Variants in MFAP3L observed in about 807,000 individuals in gnomAD.
The protein encoded by MFAP3L is microfibril associated protein 3 like.
Under a neutral mutation model 20.0 loss-of-function variants are expected in MFAP3L, and 5 were observed. The observed-to-expected ratio is 0.25, with a 90% CI of 0.13 to 0.53. The LOEUF (loss-of-function observed/expected upper bound fraction) is 0.53, where lower values mean the gene tolerates loss of function less well. Ranked by LOEUF, MFAP3L falls within the 20% of genes least tolerant of loss-of-function variation. The probability of loss-of-function intolerance (pLI) is 0.96; values close to 1 mark genes in which losing one functional copy is unlikely to be tolerated. For synonymous variants in MFAP3L, 219 were observed against 213.0 expected, an observed-to-expected ratio of 1.03 and a Z score of -0.25; for missense variants, 409 against 527.5, an observed-to-expected ratio of 0.78 and a Z score of 2.20.
intron 1 of MFAP3L, among the ~76,000 whole-genome samples, chr4:170,011,346 T>C (rs1199316511): frequency 1.3e-5 from 2 of 152,218 alleles, no homozygotes; most frequent in Non-Finnish European, 2.9e-5. Context: ...ATTTAAGTGA[T>C]AAATCAGTTA....
chr4:170,016,679 A>G (rs1365352740), intron 1 of MFAP3L, among the ~76,000 whole-genome samples: 1 of 152,242 alleles, frequency 6.6e-6, no homozygotes, highest in Non-Finnish European at 1.5e-5. Context: ...AAACACTTGA[A>G]TATCTGCGGA....
intron 1 of MFAP3L, among the ~76,000 whole-genome samples, chr4:170,013,501 TA>T (rs1739511595): frequency 2.0e-5 from 3 of 152,220 alleles, no homozygotes; most frequent in African/African-American, 7.2e-5. Flanking sequence ...AACTTGGATG[TA>T]TTTTCATAAA....
intron 1 of MFAP3L, among the ~76,000 whole-genome samples, chr4:170,023,143 G>A (rs1740141509): frequency 6.6e-6 from 1 of 152,100 alleles, no homozygotes; most frequent in South Asian, 2.1e-4. Context: ...GTCACTCCAA[G>A]CATGAGGTCC....
chr4:170,002,141 G>A, intron 2 of MFAP3L: 1 of 976,626 alleles, frequency 1.0e-6, no homozygotes, highest in African/African-American at 2.0e-5. Context: ...CTTGCTATCG[G>A]TAGTGAGGAT....
rs1737480733 is a variant in MFAP3L, at chr4:169,989,149, T to C, written c.*2229A>G. The C allele has an allele frequency of 6.6e-6, 1 of 152,204 alleles. No individual in the cohort carries two copies. The highest frequency in any genetic ancestry group is 2.4e-5 in the African/African-American group (1 of 41,458). 9.4% of individuals were successfully genotyped at this position (152,204 alleles called of 1,614,324 possible). ...AAAATTTTTATATTCTAAGAGGTGG[T>C]GTTAAAACTTTTCTGCAACCCAAAA... On this transcript the variant is annotated 3_prime_UTR_variant, in exon 3 of 3. Coordinates refer to ENST00000361618, the MANE Select transcript of MFAP3L (RefSeq NM_021647.8).
intron 1 of MFAP3L, among the ~76,000 whole-genome samples, 166 bp from the exon 2 acceptor site, chr4:170,006,176 G>A (rs958412373): frequency 2.6e-5 from 4 of 151,088 alleles, no homozygotes; most frequent in African/African-American, 9.8e-5. Context: ...GCAGTGGGGC[G>A]ATCTTGGCTC....
In MFAP3L at chr4:169,991,758, C is replaced by T; in HGVS notation, c.850G>A (p.Asp284Asn). The T allele has an allele frequency of 6.2e-7, 1 of 1,613,968 alleles. No individual in the cohort carries two copies. Among genetic ancestry groups the T allele is most frequent in the Non-Finnish European group, 8.5e-7 (1 of 1,179,988 alleles). ...GAGTTGGGGATTGTGTAGACCTCATCCCTGTCTGCGGCCTCCTGGCCCTCT... is the reference window on the plus strand; with the variant it reads ...GAGTTGGGGATTGTGTAGACCTCATTCCTGTCTGCGGCCTCCTGGCCCTCT... ...TPEGQEAADR[D>N]EVYTIPNSLK... Residue 284 changes from aspartate (D) to asparagine (N), a missense_variant, in exon 3 of 3, where the codon GAT becomes AAT. Physicochemically the swap from Asp to Asn is conservative, Grantham distance 23 (BLOSUM62 1). Transcript: ENST00000361618. This position sits in a 1 kb window ranked among gnomAD's most constrained non-coding sequence, Gnocchi z 4.9.
At chr4:170,026,564 T>TGCGGTGCGGCCCC (rs1554003476), upstream of MFAP3L, 2 of 151,106 alleles carry the variant, frequency 1.3e-5, no homozygotes, top group Non-Finnish European at 3.0e-5. Flanking sequence ...CAGTCGGTGC[T>TGCGGTGCGGCCCC]GCGGAGCGGC....
At chr4:169,999,614 C>T (rs1252476349) in intron 2 of MFAP3L, among the ~76,000 whole-genome samples, 1 of 152,126 alleles carries the variant, frequency 6.6e-6, no homozygotes, top group Non-Finnish European at 1.5e-5. Context: ...GGAATCTTAG[C>T]TGTCATCCAT....
chr4:170,014,573 C>A (rs1370914271), intron 1 of MFAP3L, among the ~76,000 whole-genome samples: 1 of 152,224 alleles, frequency 6.6e-6, no homozygotes, highest in East Asian at 1.9e-4. Context: ...AGGAAGCAAA[C>A]CCTGCCCTCT....
At chr4:170,012,960 A>T (rs1739476536) in intron 1 of MFAP3L, among the ~76,000 whole-genome samples, 1 of 149,864 alleles carries the variant, frequency 6.7e-6, no homozygotes, top group Admixed American at 6.7e-5. Context: ...TTATGCTGTT[A>T]TTTTTTTTTT....
At chr4:170,023,641 C>A (rs1195390647) in intron 1 of MFAP3L, among the ~76,000 whole-genome samples, 1 of 152,196 alleles carries the variant, frequency 6.6e-6, no homozygotes, top group African/African-American at 2.4e-5. Context: ...CTAGGAAAGA[C>A]AAGTCACACC....
chr4:170,012,186 A>G (rs1560985834), intron 1 of MFAP3L, among the ~76,000 whole-genome samples: 2 of 152,220 alleles, frequency 1.3e-5, no homozygotes. Context: ...TACAATATCC[A>G]GGAAGGAAAT....
intron 1 of MFAP3L, among the ~76,000 whole-genome samples, chr4:170,024,358 A>T (rs1740220860): frequency 1.3e-5 from 2 of 152,162 alleles, no homozygotes; most frequent in Admixed American, 6.5e-5. Flanking sequence ...ACAAAAAGTA[A>T]ACTGAGGCCT....
rs1489697679 is a variant in MFAP3L, at chr4:170,026,217, CG to C, written c.-134+16del. 3.0e-6 allele frequency: 3 copies of C among 984,308 alleles called. No individual in the cohort carries two copies. The highest frequency in any genetic ancestry group is 3.5e-5 in the African/African-American group (2 of 57,150). The allele number at this position is 984,308 out of a possible 1,614,324, so 61.0% of individuals were successfully genotyped here. ...CCCGTGCCCCTCCGCCCCGGCCCGC[CG>C]GGGGCCCCCGCTAACCTGACACCGC... On this transcript the variant is annotated intron_variant, in intron 1 of 2. Coordinates refer to ENST00000361618, the MANE Select transcript of MFAP3L (RefSeq NM_021647.8).
At chr4:170,010,411 T>C (rs537144476) in intron 1 of MFAP3L, among the ~76,000 whole-genome samples, 11 of 152,274 alleles carry the variant, frequency 7.2e-5, no homozygotes, top group African/African-American at 2.2e-4. Context: ...TCAGTCCACT[T>C]ACATGCAGGT....
At chr4:170,006,886 G>A (rs998701496) in intron 1 of MFAP3L, 3 of 152,242 alleles carry the variant, frequency 2.0e-5, no homozygotes, top group Admixed American at 6.5e-5. Flanking sequence ...CTGTGTTACT[G>A]TTACTTACGG....
chr4:169,996,776 G>T (rs554655391), intron 2 of MFAP3L, among the ~76,000 whole-genome samples: 1 of 152,214 alleles, frequency 6.6e-6, no homozygotes. Context: ...GAGACCTGGA[G>T]CCCCGCCTGC....
intron 2 of MFAP3L, chr4:169,997,893 A>G (rs1407071154): frequency 1.2e-6 from 1 of 820,236 alleles, no homozygotes; most frequent in African/African-American, 1.9e-5. Flanking sequence ...ACACTGTTGG[A>G]AGGATGATTT....
Sources: gnomAD v4.1 joint callset for allele counts (sites outside exome capture counted in the v4.1 genomes callset) on GRCh38, gnomAD v4.1.1 for gene constraint, Gnocchi (gnomAD v3.1) non-coding constraint, MANE v1.5 for transcripts, NCBI Gene and HGNC (gene_info 2026-07-23, HGNC 2026-07-21) for gene names.